PCDHGB2: variants seen among roughly 807,000 people sequenced by gnomAD.
PCDHGB2 encodes the protein protocadherin gamma subfamily B, 2, also known as protocadherin gamma-B2.
PCDHGB2 carries 55 observed loss-of-function variants against 59.3 expected under a neutral mutation model. That is an observed-to-expected ratio of 0.93 (90% confidence interval 0.75 to 1.16). The LOEUF is 1.16. Ranked by LOEUF, PCDHGB2 falls within the 50% of genes most tolerant of loss-of-function variation. The pLI is 0.00. For synonymous variants in PCDHGB2, 516 were observed against 512.0 expected, an observed-to-expected ratio of 1.01 and a Z score of -0.11; for missense variants, 1,228 against 1,198.5, an observed-to-expected ratio of 1.02 and a Z score of -0.36.
intron 1 of PCDHGB2, chr5:141,364,121 G>A: frequency 4.4e-6 from 2 of 459,268 alleles, no homozygotes; most frequent in Non-Finnish European, 7.6e-6. Context: ...GACTCTGAGT[G>A]TCGCTGTTGA....
chr5:141,371,961 G>A (rs532361069), intron 1 of PCDHGB2: 18 of 1,613,240 alleles, frequency 1.1e-5, no homozygotes, highest in African/African-American at 2.7e-5. Context: ...CTTCGACCAC[G>A]AGCAGCTGCG....
At position 141,490,357 on chromosome 5, in the gene PCDHGB2, A is replaced by G; in HGVS notation, c.2422-4450A>G. ...AGTGGGCACAGTAGTGGGGTTGTTT[A>G]ATGTGCGAGACCGGGACTCAGGTAG... On this transcript the variant is annotated intron_variant, in intron 1 of 3. Transcript: ENST00000522605. This position sits in a 1 kb window ranked among gnomAD's most constrained non-coding sequence, Gnocchi z 5.4. The G allele has an allele frequency of 6.2e-7, 1 of 1,614,178 alleles. No individual in the cohort carries two copies. The highest frequency in any genetic ancestry group is 8.5e-7 in the Non-Finnish European group (1 of 1,180,030).
intron 1 of PCDHGB2, chr5:141,440,995 C>G (rs1425894086): frequency 6.6e-6 from 1 of 152,154 alleles, no homozygotes; most frequent in Non-Finnish European, 1.5e-5. Context: ...GTACCCATAT[C>G]TAGTTTGGCC....
At chr5:141,393,337 A>G (rs556749112) in intron 1 of PCDHGB2, 28 of 1,613,772 alleles carry the variant, frequency 1.7e-5, no homozygotes, top group African/African-American at 5.3e-5. Flanking sequence ...CTCAGCCCCA[A>G]TCACCACTTC....
chr5:141,373,542 G>A (rs1451979596), intron 1 of PCDHGB2, among the ~76,000 whole-genome samples: 1 of 152,216 alleles, frequency 6.6e-6, no homozygotes. Flanking sequence ...GTTTGTGGTT[G>A]TTGGTACCCT....
intron 1 of PCDHGB2, chr5:141,428,212 C>A (rs1295973505): frequency 8.0e-7 from 1 of 1,255,000 alleles, no homozygotes; most frequent in Non-Finnish European, 1.1e-6. Context: ...TACGCTTCAC[C>A]TAGTCTTCGC....
At chr5:141,460,502 G>A (rs1300155108) in intron 1 of PCDHGB2, among the ~76,000 whole-genome samples, 1 of 152,094 alleles carries the variant, frequency 6.6e-6, no homozygotes, top group Non-Finnish European at 1.5e-5. Flanking sequence ...AAAATATGCT[G>A]AGAAGGCTAT....
chr5:141,414,148 G>A, intron 1 of PCDHGB2: 1 of 1,598,900 alleles, frequency 6.3e-7, no homozygotes, highest in Non-Finnish European at 8.5e-7. Flanking sequence ...AGAAATACAA[G>A]CAGAAGATGG....
At chr5:141,378,751 G>T (rs72790019) in intron 1 of PCDHGB2, 22 of 152,014 alleles carry the variant, frequency 1.4e-4, no homozygotes, top group Non-Finnish European at 5.9e-5. Flanking sequence ...AAGAAAAAAG[G>T]GATTATCATT....
intron 1 of PCDHGB2, chr5:141,409,662 TCTC>T (rs1473145245): frequency 2.5e-6 from 4 of 1,613,562 alleles, no homozygotes; most frequent in Admixed American, 1.7e-5. Context: ...AATGGCCACA[TCTC>T]CTACTCTATA....
At chr5:141,383,051 A>T in intron 1 of PCDHGB2, 2 of 1,613,872 alleles carry the variant, frequency 1.2e-6, no homozygotes, top group Non-Finnish European at 1.7e-6. Context: ...ATCGCCAAGG[A>T]CCTGGGGCTG....
Position 141,362,492 on chromosome 5 carries a change from C to T in PCDHGB2, c.2357C>T (p.Ser786Phe), listed in dbSNP as rs369530205. Residue 786 changes from serine to phenylalanine, a missense_variant, in exon 1 of 4, where the codon TCT becomes TTT. By Grantham distance (155) the Ser-to-Phe change is radical. Coordinates refer to ENST00000522605, the MANE Select transcript of PCDHGB2 (RefSeq NM_018923.3). ...PAQDLVCDNA[S>F]WEQNTNHGAA... ...CAAGATCTCGTCTGTGACAATGCCT[C>T]TTGGGAACAAAATACAAATCATGGA... 4 of 1,613,902 alleles carry T rather than the reference C, an allele frequency of 2.5e-6. No homozygotes were observed. Among genetic ancestry groups the T allele is most frequent in the East Asian group, 2.2e-5 (1 of 44,894 alleles).
rs774211225 is a variant in PCDHGB2 at position 141,374,709 on chromosome 5, G to A, written c.2421+12153G>A. 28 of 1,608,934 alleles carry A rather than the reference G, an allele frequency of 1.7e-5. No individual in the cohort carries two copies. In the South Asian group the frequency reaches 1.9e-4, roughly 11 times the overall value. On this transcript the variant is annotated intron_variant, in intron 1 of 3. Transcript: ENST00000522605. ...GACCGGGAAGGAGAAGCCGTTTACCGCCTGGTCCTTACTGCCATGGATGGC... is the reference window on the plus strand; with the variant it reads ...GACCGGGAAGGAGAAGCCGTTTACCACCTGGTCCTTACTGCCATGGATGGC...
chr5:141,509,499 T>C (rs895353804), intron 3 of PCDHGB2, among the ~76,000 whole-genome samples: 1 of 152,128 alleles, frequency 6.6e-6, no homozygotes, highest in Non-Finnish European at 1.5e-5. Flanking sequence ...GCATGCTGGA[T>C]GTGACGGTGT....
At chr5:141,375,121 A>G (rs1483677104) in intron 1 of PCDHGB2, 1 of 1,613,942 alleles carries the variant, frequency 6.2e-7, no homozygotes, top group Non-Finnish European at 8.5e-7. Context: ...ATGTACCAGA[A>G]GTGGTTGTTA....
rs1562065751 is a variant in PCDHGB2, at chr5:141,477,907, C to T, written c.2422-16900C>T. The T allele has an allele frequency of 1.9e-6, 3 of 1,614,164 alleles. No homozygotes were observed. The highest frequency in any genetic ancestry group is 2.2e-5 in the East Asian group (1 of 44,872). ...TAGTGTCACGGGTGGTAGGCTGGGA[C>T]GCGGATGCAGGGCACAATGCCTGGC... On this transcript the variant is annotated intron_variant, in intron 1 of 3. Transcript: ENST00000522605. This position sits in a 1 kb window ranked among gnomAD's most constrained non-coding sequence, Gnocchi z 4.9.
Position 141,487,532 on chromosome 5 carries a change from A to T in PCDHGB2, c.2422-7275A>T. 6.2e-7 allele frequency: 1 copy of T among 1,614,158 alleles called. No homozygotes were observed. The highest frequency in any genetic ancestry group is 8.5e-7 in the Non-Finnish European group (1 of 1,180,022). ...ACCCACTCGGAGTGATAGCTTCATG[A>T]TGGTGAAGTCACCCAGTGCACCTAT... is the stretch of plus-strand genomic sequence containing the variant. On this transcript the variant is annotated intron_variant, in intron 1 of 3. Transcript: ENST00000522605. This position sits in a 1 kb window ranked among gnomAD's most constrained non-coding sequence, Gnocchi z 5.0.
chr5:141,471,568 A>G (rs947450908), intron 1 of PCDHGB2: 3 of 152,214 alleles, frequency 2.0e-5, no homozygotes, highest in Non-Finnish European at 2.9e-5. Context: ...CAGGGGTAGC[A>G]GTAGATAGGG....
Position 141,503,989 on chromosome 5 carries a change from C to T in PCDHGB2, c.2481-1404C>T, listed in dbSNP as rs534696225. Among the ~76,000 whole-genome samples the T allele has an allele frequency of 2.6e-5, 4 of 152,312 alleles. No individual in the cohort carries two copies. The South Asian group carries it at 8.3e-4, about 32-fold the overall frequency. On this transcript the variant is annotated intron_variant, in intron 2 of 3. Transcript: ENST00000522605. ...CATGGTGCCAAACCCTTCTTCTTAC[C>T]TTACAGTCACTTAACTGTCTCTGCT...
Sources: allele counts gnomAD v4.1 joint callset (sites outside exome capture counted in the v4.1 genomes callset), GRCh38; gene constraint gnomAD v4.1.1; non-coding constraint Gnocchi (gnomAD v3.1); transcripts MANE v1.5; gene names NCBI Gene and HGNC (gene_info 2026-07-23, HGNC 2026-07-21).